ZNF592: variants seen among roughly 807,000 people sequenced by gnomAD.
ZNF592 encodes the protein zinc finger protein 592.
In ZNF592, 11 loss-of-function variants were observed where a neutral mutation model predicts 80.3. The ratio of observed to expected loss-of-function variants is 0.14; its 90% confidence interval spans 0.09 to 0.23. The LOEUF (loss-of-function observed/expected upper bound fraction) is 0.23, where lower values mean the gene tolerates loss of function less well. Ranked by LOEUF, ZNF592 falls within the 10% of genes least tolerant of loss-of-function variation. The probability of loss-of-function intolerance (pLI) is 1.00; values close to 1 mark genes in which losing one functional copy is unlikely to be tolerated. For missense variants in ZNF592, 1,420 were observed against 1,633.9 expected (o/e 0.87, Z 2.26); for synonymous variants, 646 against 640.3 (o/e 1.01, Z -0.13).
intron 1 of ZNF592, among the ~76,000 whole-genome samples, 175 bp downstream of exon 1, chr15:84,748,839 C>T (rs939636099): frequency 6.8e-6 from 1 of 147,276 alleles, no homozygotes; most frequent in African/African-American, 2.4e-5. Flanking sequence ...CGACCGCCGC[C>T]TGGCGGGCCC....
chr15:84,769,565 A>G (rs920579127), intron 2 of ZNF592, among the ~76,000 whole-genome samples: 2 of 151,366 alleles, frequency 1.3e-5, no homozygotes, highest in African/African-American at 2.4e-5. Context: ...CATGACCAGC[A>G]TGCCTGAGGA....
At chr15:84,795,210 T>C (rs548337213) in intron 5 of ZNF592, among the ~76,000 whole-genome samples, 1 of 152,238 alleles carries the variant, frequency 6.6e-6, no homozygotes, top group South Asian at 2.1e-4. Flanking sequence ...AGGATGCAAG[T>C]TTAGACTGTT....
At chr15:84,758,175 A>G (rs992018280) in intron 1 of ZNF592, among the ~76,000 whole-genome samples, 2 of 149,992 alleles carry the variant, frequency 1.3e-5, no homozygotes, top group African/African-American at 4.9e-5. Flanking sequence ...GGGTTTCACC[A>G]TCTTGGCCAG....
chr15:84,799,699 C>A lies in ZNF592; in HGVS notation c.3138-143C>A. 1 of 1,272,152 alleles carries A rather than the reference C, an allele frequency of 7.9e-7. No homozygotes were observed. The highest frequency in any genetic ancestry group is 1.1e-6 in the Non-Finnish European group (1 of 888,762). 78.8% of individuals were successfully genotyped at this position (1,272,152 alleles called of 1,614,324 possible). ...ATTGTCTGCTACCTTGGCTGGCCTG[C>A]TGGCTGGATCTCTCTGGGGTTCCCA... On this transcript the variant is annotated intron_variant, in intron 9 of 10. Coordinates refer to ENST00000560079, the MANE Select transcript of ZNF592 (RefSeq NM_014630.3). This position sits in a 1 kb window ranked among gnomAD's most constrained non-coding sequence, Gnocchi z 4.2.
rs751341215 is a variant in ZNF592 at position 84,784,013 on chromosome 15, G to A, written c.1338G>A (p.Arg446=). The change falls in exon 4 of 11, where the codon AGG becomes AGA. Residue 446 remains arginine (R), a synonymous_variant. Transcript: ENST00000560079. The surrounding 1 kb of genome is among the most constrained non-coding windows in gnomAD (Gnocchi z 5.8). ...GTNSGSPQGA[R]KGDESMTKAS... ...ATTCAGGGAGCCCCCAGGGGGCCAGGAAAGGGGACGAGAGCATGACAAAGG... is the reference window on the plus strand; with the variant it reads ...ATTCAGGGAGCCCCCAGGGGGCCAGAAAAGGGGACGAGAGCATGACAAAGG... 3.7e-6 allele frequency: 6 copies of A among 1,610,848 alleles called. No individual in the cohort carries two copies. The South Asian group carries it at 5.5e-5, about 15-fold the overall frequency.
intron 5 of ZNF592, among the ~76,000 whole-genome samples, chr15:84,792,312 A>C (rs1283370905): frequency 6.6e-6 from 1 of 152,096 alleles, no homozygotes; most frequent in Non-Finnish European, 1.5e-5. Flanking sequence ...GACATTTTCC[A>C]GCGGACATTG....
chr15:84,795,822 T>C (rs1237593523), intron 5 of ZNF592, among the ~76,000 whole-genome samples: 2 of 152,142 alleles, frequency 1.3e-5, no homozygotes, highest in South Asian at 2.1e-4. Flanking sequence ...AAAAGCTTTC[T>C]GGTTCCGTGG....
rs1962502917 is a variant in ZNF592 at position 84,783,943 on chromosome 15, G to A, written c.1268G>A (p.Gly423Glu). Residue 423 changes from glycine (G) to glutamate (E), a missense_variant, in exon 4 of 11, where the codon GGG (glycine) becomes GAG (glutamate). Coordinates refer to ENST00000560079, the MANE Select transcript of ZNF592 (RefSeq NM_014630.3). This position sits in a 1 kb window ranked among gnomAD's most constrained non-coding sequence, Gnocchi z 5.0. ...GCAGAGGCCCCCAGCGAGATGCCAG[G>A]GGATGAGGTGCCTGTGGAAGAGCAC... is the stretch of plus-strand genomic sequence containing the variant. ...AIAEAPSEMP[G>E]DEVPVEEHFP... is the part of the protein sequence containing the mutation. 6.2e-7 allele frequency: 1 copy of A among 1,613,818 alleles called. No individual in the cohort carries two copies. Among genetic ancestry groups the A allele is most frequent in the Admixed American group, 1.7e-5 (1 of 60,002 alleles).
At chr15:84,761,015 G>A (rs2141964212) in intron 1 of ZNF592, among the ~76,000 whole-genome samples, 1 of 152,144 alleles carries the variant, frequency 6.6e-6, no homozygotes, top group South Asian at 2.1e-4. Context: ...CCAGATTGGG[G>A]TGCAATGGCA....
At chr15:84,794,460 C>G (rs908646495) in intron 5 of ZNF592, among the ~76,000 whole-genome samples, 3 of 151,512 alleles carry the variant, frequency 2.0e-5, no homozygotes, top group Non-Finnish European at 4.4e-5. Context: ...CGGTGTTGAT[C>G]ATGTGCTTAT....
chr15:84,777,130 A>AT lies in ZNF592; in HGVS notation c.-149-1045dup, dbSNP rs1204972364. ...TTTTTTGGCCTGCCTAGTTTCTTCTATTTTTTTTCCTTTTTGTATATTAAA... is the reference window on the plus strand; with the variant it reads ...TTTTTTGGCCTGCCTAGTTTCTTCTATTTTTTTTTCCTTTTTGTATATTAAA... On this transcript the variant is annotated intron_variant, in intron 2 of 10. Coordinates refer to ENST00000560079, the MANE Select transcript of ZNF592 (RefSeq NM_014630.3). Among the ~76,000 whole-genome samples the AT allele has an allele frequency of 2.8e-3, 425 of 151,224 alleles. 10 individuals are homozygous for AT. In the East Asian group the frequency reaches 0.059, roughly 21 times the overall value.
intron 4 of ZNF592, among the ~76,000 whole-genome samples, chr15:84,788,726 C>T (rs1962656352): frequency 6.6e-6 from 1 of 152,102 alleles, no homozygotes; most frequent in African/African-American, 2.4e-5. Flanking sequence ...AAGAAACAAA[C>T]AAAAAACAAT....
chr15:84,749,787 A>G (rs1415013028), intron 1 of ZNF592, among the ~76,000 whole-genome samples: 1 of 152,168 alleles, frequency 6.6e-6, no homozygotes, highest in Admixed American at 6.5e-5. Flanking sequence ...CTGTTTCCTC[A>G]ACCTCACTGT....
chr15:84,784,438 G>A lies in ZNF592; in HGVS notation c.1763G>A (p.Cys588Tyr). ...ATCCACGTGCCGGCCAGTGGGTACTGCTGCCTGGAGTGTGGAGACGCATTT... is the reference window on the plus strand; with the variant it reads ...ATCCACGTGCCGGCCAGTGGGTACTACTGCCTGGAGTGTGGAGACGCATTT... ...SRIHVPASGYCCLECGDAFAL... is the reference protein window; with the variant it reads ...SRIHVPASGYYCLECGDAFAL... The change falls in exon 4 of 11, where the codon TGC becomes TAC. Residue 588 changes from cysteine to tyrosine, a missense_variant. Physicochemically the swap from Cys to Tyr is radical, Grantham distance 194. Transcript: ENST00000560079. This position sits in a 1 kb window ranked among gnomAD's most constrained non-coding sequence, Gnocchi z 5.8. The A allele has an allele frequency of 6.2e-7, 1 of 1,614,220 alleles. No homozygotes were observed. Among genetic ancestry groups the A allele is most frequent in the Non-Finnish European group, 8.5e-7 (1 of 1,180,042 alleles).
At chr15:84,758,510 C>G (rs1450174912) in intron 1 of ZNF592, among the ~76,000 whole-genome samples, 1 of 152,082 alleles carries the variant, frequency 6.6e-6, no homozygotes, top group Non-Finnish European at 1.5e-5. Context: ...GTCTTGAACT[C>G]CTGAGCTAGG....
At position 84,798,105 on chromosome 15, in the gene ZNF592, G is replaced by A. The variant is rs1962974279; in HGVS notation, c.2576+60G>A. The A allele has an allele frequency of 1.3e-6, 2 of 1,596,694 alleles. No individual in the cohort carries two copies. Among genetic ancestry groups the A allele is most frequent in the South Asian group, 1.1e-5 (1 of 90,172 alleles). ...AGCAGAGAGGAGTAGCCTGGGTGCT[G>A]TAGGGGGTGGCATAGGGATGGGTGA... On this transcript the variant is annotated intron_variant, in intron 6 of 10. Transcript: ENST00000560079. The surrounding 1 kb of genome is among the most constrained non-coding windows in gnomAD (Gnocchi z 4.5).
intron 2 of ZNF592, among the ~76,000 whole-genome samples, chr15:84,769,100 C>G (rs1012248308): frequency 2.6e-5 from 4 of 152,114 alleles, no homozygotes; most frequent in Admixed American, 6.5e-5. Flanking sequence ...ACCACCATGC[C>G]TGGCTAATTT....
intron 5 of ZNF592, among the ~76,000 whole-genome samples, chr15:84,794,032 A>T (rs115920839): frequency 2.7e-3 from 417 of 152,184 alleles, no homozygotes; most frequent in African/African-American, 8.3e-3. Flanking sequence ...TAGGAGTAGA[A>T]TAGCTGGGTC....
At chr15:84,770,055 A>G (rs1383292207) in intron 2 of ZNF592, among the ~76,000 whole-genome samples, 2 of 152,200 alleles carry the variant, frequency 1.3e-5, no homozygotes. Context: ...CAGGAGAGAG[A>G]TGATGGTAGA....
Sources: allele counts gnomAD v4.1 joint callset (sites outside exome capture counted in the v4.1 genomes callset), GRCh38; gene constraint gnomAD v4.1.1; non-coding constraint Gnocchi (gnomAD v3.1); transcripts MANE v1.5; gene names NCBI Gene and HGNC (gene_info 2026-07-23, HGNC 2026-07-21).